The following NDC1 variants were observed in gnomAD, a reference collection of about 807,000 sequenced individuals.
NDC1 encodes NDC1 transmembrane nucleoporin.
A neutral mutation model predicts 89.8 loss-of-function variants in NDC1; 24 were observed. The ratio of observed to expected loss-of-function variants is 0.27; its 90% CI spans 0.19 to 0.38. The LOEUF is 0.38. Among genes scored for constraint, NDC1 ranks in the 10% least tolerant of loss-of-function variants. The pLI is 1.00. For missense variants in NDC1, 728 were observed against 797.6 expected, an observed-to-expected ratio of 0.91 and a Z score of 1.05; for synonymous variants, 296 against 284.8, an observed-to-expected ratio of 1.04 and a Z score of -0.39.
chr1:53,779,387 T>G (rs1557565595), intron 16 of NDC1, among the ~76,000 whole-genome samples: 1 of 152,102 alleles, frequency 6.6e-6, no homozygotes, highest in African/African-American at 2.4e-5. Context: ...TTATACTTTC[T>G]GAAATGAAGG....
chr1:53,806,745 C>T (rs1188287914), intron 8 of NDC1, among the ~76,000 whole-genome samples: 1 of 152,078 alleles, frequency 6.6e-6, no homozygotes, highest in Admixed American at 6.6e-5. Context: ...CTTTCACAAA[C>T]AAGGATTCTC....
rs192966489 is a variant in NDC1 at position 53,794,558 on chromosome 1, A to C, written c.1585-1279T>G. Among the ~76,000 whole-genome samples the C allele has an allele frequency of 7.4e-4, 112 of 152,258 alleles. 1 individual carries two copies. Among genetic ancestry groups the C allele is most frequent in the Non-Finnish European group, 1.2e-3 (84 of 68,014 alleles). ...GTCATTCCATCAGCAAACATGTTATAATTTCTCCCATCTTAAAAAATAAAA... is the reference window on the plus strand; with the variant it reads ...GTCATTCCATCAGCAAACATGTTATCATTTCTCCCATCTTAAAAAATAAAA... On this transcript the variant is annotated intron_variant, in intron 13 of 17. Coordinates refer to ENST00000371429, the MANE Select transcript of NDC1 (RefSeq NM_018087.5).
chr1:53,767,965 C>T lies in NDC1; in HGVS notation c.*5G>A. ...AGTGTAATGAACACAGTTTATATTA[C>T]TTAACTATTCTTTGAACTCCAAGAA... On this transcript the variant is annotated 3_prime_UTR_variant, in exon 18 of 18. Transcript: ENST00000371429. The T allele has an allele frequency of 6.3e-7, 1 of 1,584,648 alleles. No homozygotes were observed. The highest frequency in any genetic ancestry group is 8.7e-7 in the Non-Finnish European group (1 of 1,155,888).
At chr1:53,790,576 G>T (rs1287889249) in intron 14 of NDC1, among the ~76,000 whole-genome samples, 1 of 144,492 alleles carries the variant, frequency 6.9e-6, no homozygotes, top group Non-Finnish European at 1.5e-5. Context: ...ATGTGGTGGC[G>T]CACGCCTGTA....
chr1:53,773,549 T>C (rs1570153075), intron 16 of NDC1, among the ~76,000 whole-genome samples: 2 of 152,182 alleles, frequency 1.3e-5, no homozygotes, highest in East Asian at 1.9e-4. Flanking sequence ...CGTTCACAAA[T>C]GCAAGTGGGA....
rs180808257 is a variant in NDC1 at position 53,781,030 on chromosome 1, A to T, written c.1800+6128T>A. 2.0e-4 allele frequency among the ~76,000 whole-genome samples: 30 copies of T among 151,734 alleles called. 1 individual carries two copies. The highest frequency in any genetic ancestry group is 5.9e-4 in the Admixed American group (9 of 15,214). On this transcript the variant is annotated intron_variant, in intron 16 of 17. Coordinates refer to ENST00000371429, the MANE Select transcript of NDC1 (RefSeq NM_018087.5). ...CATCACACCTGGCAAATTTTTAAAA[A>T]TTTTTTTTATAGACACTGTCTCACT... is the stretch of plus-strand genomic sequence containing the variant.
intron 14 of NDC1, among the ~76,000 whole-genome samples, chr1:53,792,711 A>G (rs754297472): frequency 3.9e-5 from 6 of 152,216 alleles, no homozygotes; most frequent in Non-Finnish European, 8.8e-5. Flanking sequence ...AACAGGAATC[A>G]ATCTTTAGCT....
At chr1:53,798,790 A>G (rs1237663246) in intron 11 of NDC1, among the ~76,000 whole-genome samples, 2 of 151,790 alleles carry the variant, frequency 1.3e-5, no homozygotes, top group African/African-American at 4.8e-5. Context: ...CCTGACCTCA[A>G]ATGATCCACC....
intron 10 of NDC1, among the ~76,000 whole-genome samples, chr1:53,802,483 A>G (rs1413486821): frequency 6.6e-6 from 1 of 152,156 alleles, no homozygotes; most frequent in African/African-American, 2.4e-5. Flanking sequence ...CCTGGGAAAC[A>G]CGGCAAGACC....
Position 53,800,471 on chromosome 1 carries a change from T to G in NDC1, c.1222+222A>C, listed in dbSNP as rs1270177685. Among the ~76,000 whole-genome samples, 5 of 150,710 alleles carry G rather than the reference T, an allele frequency of 3.3e-5. No homozygotes were observed. In the East Asian group the frequency reaches 9.9e-4, roughly 30 times the overall value. On this transcript the variant is annotated intron_variant, in intron 11 of 17. Transcript: ENST00000371429. ...CCTCCTGAGTAGCTGGGACTACAGGTGCACGCCACCACGCCCAGCTAATTT... is the reference window on the plus strand; with the variant it reads ...CCTCCTGAGTAGCTGGGACTACAGGGGCACGCCACCACGCCCAGCTAATTT...
chr1:53,802,298 T>C (rs1442117057), intron 10 of NDC1, among the ~76,000 whole-genome samples: 2 of 152,092 alleles, frequency 1.3e-5, no homozygotes, highest in Admixed American at 6.6e-5. Flanking sequence ...CATTTAACTA[T>C]AGAAGGTTTA....
At position 53,782,585 on chromosome 1, in the gene NDC1, A is replaced by C. The variant is rs543635208; in HGVS notation, c.1800+4573T>G. Among the ~76,000 whole-genome samples, 3 of 152,374 alleles carry C rather than the reference A, an allele frequency of 2.0e-5. No individual in the cohort carries two copies. The South Asian group carries it at 6.2e-4, about 32-fold the overall frequency. On this transcript the variant is annotated intron_variant, in intron 16 of 17. Coordinates refer to ENST00000371429, the MANE Select transcript of NDC1 (RefSeq NM_018087.5). ...ATCAAAGAAACTGTACAGAAGCAGC[A>C]AGGACATGAAACGGCTGTGCCTGGA... is the stretch of plus-strand genomic sequence containing the variant.
intron 2 of NDC1, among the ~76,000 whole-genome samples, chr1:53,834,295 A>C (rs1649159780): frequency 6.6e-6 from 1 of 152,258 alleles, no homozygotes; most frequent in Admixed American, 6.5e-5. Flanking sequence ...GAGTACTCTA[A>C]GGTTGCCACC....
intron 17 of NDC1, among the ~76,000 whole-genome samples, chr1:53,769,488 T>C (rs1320976177): frequency 6.6e-6 from 1 of 152,260 alleles, no homozygotes; most frequent in African/African-American, 2.4e-5. Flanking sequence ...ACTATTTATA[T>C]ATAAATCCCA....
intron 9 of NDC1, among the ~76,000 whole-genome samples, chr1:53,804,694 C>T (rs2100660845): frequency 6.6e-6 from 1 of 152,198 alleles, no homozygotes; most frequent in South Asian, 2.1e-4. Context: ...CCAGGTTGTT[C>T]TCAAACTCCT....
intron 13 of NDC1, among the ~76,000 whole-genome samples, chr1:53,793,534 A>T (rs573667997): frequency 3.0e-4 from 45 of 152,202 alleles, no homozygotes; most frequent in Non-Finnish European, 4.4e-4. Flanking sequence ...TAGAGCCCTG[A>T]CATAAAAAAA....
Position 53,801,750 on chromosome 1 carries a change from T to C in NDC1, c.1067-902A>G, listed in dbSNP as rs1181175. 2.0e-5 allele frequency among the ~76,000 whole-genome samples: 3 copies of C among 152,264 alleles called. No individual in the cohort carries two copies. In the East Asian group the frequency reaches 5.8e-4, roughly 29 times the overall value. Reference sequence around the variant, plus strand: ...GGGTACATGAGGAACTGTGTAACCATCCAATTAAATTTTTGTTTGTTTTTG... The same window carrying C: ...GGGTACATGAGGAACTGTGTAACCACCCAATTAAATTTTTGTTTGTTTTTG... On this transcript the variant is annotated intron_variant, in intron 10 of 17. Coordinates refer to ENST00000371429, the MANE Select transcript of NDC1 (RefSeq NM_018087.5).
intron 6 of NDC1, among the ~76,000 whole-genome samples, chr1:53,814,469 T>C (rs747346339): frequency 4.6e-5 from 7 of 152,160 alleles, no homozygotes; most frequent in Non-Finnish European, 8.8e-5. Context: ...GGAAAGTTCA[T>C]AGCCCTAAGC....
At chr1:53,817,654 A>G (rs891554522) in intron 6 of NDC1, among the ~76,000 whole-genome samples, 2 of 152,212 alleles carry the variant, frequency 1.3e-5, no homozygotes, top group African/African-American at 4.8e-5. Flanking sequence ...GAAGAAATAT[A>G]AAAGAAAAAC....
Sources: allele counts gnomAD v4.1 joint callset (sites outside exome capture counted in the v4.1 genomes callset), GRCh38; gene constraint gnomAD v4.1.1; transcripts MANE v1.5; gene names NCBI Gene and HGNC (gene_info 2026-07-23, HGNC 2026-07-21).